CYLC2: variants seen among roughly 807,000 people sequenced by gnomAD.
CYLC2 encodes cylicin-2.
Under a neutral mutation model 26.1 loss-of-function variants are expected in CYLC2, and 30 were observed. The observed-to-expected ratio is 1.15, with a 90% confidence interval of 0.86 to 1.56. The LOEUF (loss-of-function observed/expected upper bound fraction) is 1.56. CYLC2 is among the 40% of genes most tolerant of loss of function. The pLI is 0.00. For missense variants in CYLC2, 498 were observed against 394.4 expected (o/e 1.26, Z -2.23); for synonymous variants, 158 against 132.8 (o/e 1.19, Z -1.31).
At chr9:103,010,810 G>GTA (rs1409003643) in intron 5 of CYLC2, 1 of 151,988 alleles carries the variant, frequency 6.6e-6, no homozygotes, top group African/African-American at 2.4e-5. Flanking sequence ...TGCTCAGTAA[G>GTA]TATTGCACAT....
At chr9:103,007,539 T>C (rs1473800404) in intron 5 of CYLC2, among the ~76,000 whole-genome samples, 1 of 152,258 alleles carries the variant, frequency 6.6e-6, no homozygotes, top group East Asian at 1.9e-4. Flanking sequence ...TAACTTACTG[T>C]CTCTAAAACA....
chr9:102,997,202 G>C (rs80042499), intron 1 of CYLC2, among the ~76,000 whole-genome samples: 1 of 151,824 alleles, frequency 6.6e-6, no homozygotes, highest in Admixed American at 6.6e-5. Context: ...GGATTAGTAG[G>C]TGCTGGGGGT....
At position 103,005,640 on chromosome 9, in the gene CYLC2, A is replaced by G; in HGVS notation, c.1009A>G (p.Lys337Glu). ...GAAGGATGCAAAGAAGAATGCAAAGAAGGATGAAAAGAAGGATGCAAAGAA... is the reference window on the plus strand; with the variant it reads ...GAAGGATGCAAAGAAGAATGCAAAGGAGGATGAAAAGAAGGATGCAAAGAA... Reference protein sequence around the residue: ...AKKDAKKNAKKDEKKDAKKKG... With the variant: ...AKKDAKKNAKEDEKKDAKKKG... The change falls in exon 5 of 8, where the codon AAG becomes GAG. Residue 337 changes from lysine (K) to glutamate (E), a missense_variant. Transcript: ENST00000374798. The G allele has an allele frequency of 6.2e-7, 1 of 1,612,566 alleles. No homozygotes were observed. Among genetic ancestry groups the G allele is most frequent in the Non-Finnish European group, 8.5e-7 (1 of 1,179,600 alleles).
chr9:103,014,364 A>G (rs1204260245), intron 6 of CYLC2, among the ~76,000 whole-genome samples: 2 of 137,430 alleles, frequency 1.5e-5, no homozygotes, highest in Non-Finnish European at 3.1e-5. Context: ...AATATTACAT[A>G]ATATACATTA....
At chr9:103,010,420 C>A (rs533230578) in intron 5 of CYLC2, among the ~76,000 whole-genome samples, 16 of 152,172 alleles carry the variant, frequency 1.1e-4, no homozygotes, top group African/African-American at 3.6e-4. Flanking sequence ...CTCGTATTAT[C>A]ACTTAATCCT....
intron 6 of CYLC2, among the ~76,000 whole-genome samples, chr9:103,015,407 T>C (rs1188337473): frequency 4.4e-5 from 6 of 135,368 alleles, no homozygotes; most frequent in Admixed American, 2.4e-4. Flanking sequence ...ATGCTTATTA[T>C]ATATTATATA....
rs951150529 is a variant in CYLC2 at position 103,018,466 on chromosome 9, A to T, written c.*1032A>T. 2 of 152,054 alleles carry T rather than the reference A, an allele frequency of 1.3e-5. No individual in the cohort carries two copies. Among genetic ancestry groups the T allele is most frequent in the South Asian group, 4.1e-4 (2 of 4,826 alleles). 9.4% of individuals were successfully genotyped at this position (152,054 alleles called of 1,614,324 possible). On this transcript the variant is annotated 3_prime_UTR_variant, in exon 8 of 8. Coordinates refer to ENST00000374798, the MANE Select transcript of CYLC2 (RefSeq NM_001340.5). Reference sequence around the variant, plus strand: ...CATTAAACACCTGGTGAAATTATCAATTAAAAACATCTAGTCACCATAGTT... The same window carrying T: ...CATTAAACACCTGGTGAAATTATCATTTAAAAACATCTAGTCACCATAGTT...
intron 5 of CYLC2, among the ~76,000 whole-genome samples, chr9:103,010,404 G>A (rs994001657): frequency 5.9e-5 from 9 of 152,010 alleles, no homozygotes; most frequent in Non-Finnish European, 1.2e-4. Flanking sequence ...TTTGCTAAAC[G>A]CTTTCCTCGT....
intron 2 of CYLC2, among the ~76,000 whole-genome samples, chr9:103,002,676 G>T (rs1261162141): frequency 2.0e-5 from 3 of 152,088 alleles, no homozygotes; most frequent in African/African-American, 7.2e-5. Context: ...AGCTTGGAAA[G>T]TTGTTACTAA....
In CYLC2 at chr9:103,003,234, C is replaced by T. The variant is rs1829305932; in HGVS notation, c.151C>T (p.Pro51Ser). Reference sequence around the variant, plus strand: ...GCCAGGAACCAAAAGGAGATCAAAACCTTCTCAAATACGGGACAACACGGT... The same window carrying T: ...GCCAGGAACCAAAAGGAGATCAAAATCTTCTCAAATACGGGACAACACGGT... Reference protein sequence around the residue: ...QRPGTKRRSKPSQIRDNTVSI... With the variant: ...QRPGTKRRSKSSQIRDNTVSI... The change falls in exon 3 of 8, where the codon CCT becomes TCT. Residue 51 changes from proline to serine, a missense_variant. Physicochemically the swap from Pro to Ser is moderately conservative, Grantham distance 74 (BLOSUM62 -1). Transcript: ENST00000374798. The T allele has an allele frequency of 6.2e-7, 1 of 1,613,580 alleles. No individual in the cohort carries two copies. Among genetic ancestry groups the T allele is most frequent in the Non-Finnish European group, 8.5e-7 (1 of 1,179,796 alleles).
At chr9:102,997,600 T>A (rs1302070897) in intron 1 of CYLC2, among the ~76,000 whole-genome samples, 1 of 151,970 alleles carries the variant, frequency 6.6e-6, no homozygotes. Context: ...TTCTTTTCCC[T>A]GCAGCTGATG....
At chr9:102,997,450 A>G (rs1272597568) in intron 1 of CYLC2, among the ~76,000 whole-genome samples, 2 of 151,972 alleles carry the variant, frequency 1.3e-5, no homozygotes, top group Non-Finnish European at 2.9e-5. Context: ...CTTACTACAC[A>G]CAGAGCCATT....
Position 103,005,425 on chromosome 9 carries a change from A to G in CYLC2, c.794A>G (p.Lys265Arg). 6.2e-7 allele frequency: 1 copy of G among 1,613,802 alleles called. No individual in the cohort carries two copies. The highest frequency in any genetic ancestry group is 8.5e-7 in the Non-Finnish European group (1 of 1,179,940). Residue 265 changes from lysine (K) to arginine (R), a missense_variant, in exon 5 of 8, where the codon AAG (lysine) becomes AGG (arginine). By Grantham distance (26) the Lys-to-Arg change is conservative. Coordinates refer to ENST00000374798, the MANE Select transcript of CYLC2 (RefSeq NM_001340.5). Reference protein sequence around the residue: ...DESKDAKKDAKEIKKGKKDKK... With the variant: ...DESKDAKKDAREIKKGKKDKK... ...TCGAAGGATGCCAAGAAAGATGCAA[A>G]GGAGATTAAAAAAGGTAAGAAAGAT...
At position 103,001,605 on chromosome 9, in the gene CYLC2, T is replaced by C. The variant is rs1425475189; in HGVS notation, c.45T>C (p.Asp15=). 1.3e-6 allele frequency: 2 copies of C among 1,560,726 alleles called. No homozygotes were observed. Among genetic ancestry groups the C allele is most frequent in the African/African-American group, 1.4e-5 (1 of 73,784 alleles). ...AAAGAGTAAACTTTGGGCCATATGA[T>C]AATTACATTCCAGGTAAGAAAGCAT... ...RFQRVNFGPY[D]NYIPVSELSK... The change falls in exon 2 of 8, where the codon GAT becomes GAC. Residue 15 remains aspartate (D), a synonymous_variant. Coordinates refer to ENST00000374798, the MANE Select transcript of CYLC2 (RefSeq NM_001340.5).
chr9:103,004,902 T>A, intron 4 of CYLC2, 51 bp downstream of exon 4: 1 of 1,575,578 alleles, frequency 6.3e-7, no homozygotes, highest in Non-Finnish European at 8.6e-7. Flanking sequence ...TCTGATTAGA[T>A]TTCTATTAGA....
At chr9:103,016,654 T>C (rs190393598) in intron 6 of CYLC2, among the ~76,000 whole-genome samples, 197 of 152,074 alleles carry the variant, frequency 1.3e-3, no homozygotes, top group Non-Finnish European at 2.0e-3. Context: ...AATCAATGTT[T>C]ATAAAAGGAG....
intron 6 of CYLC2, among the ~76,000 whole-genome samples, chr9:103,014,576 CAGTATACATCATATGTATATTAT>C (rs1422899120): frequency 1.4e-5 from 2 of 142,258 alleles, no homozygotes; most frequent in African/African-American, 5.1e-5. Context: ...GTATATTATG[CAGTATACATCATATGTATATTAT>C]GCAGTATACA....
In CYLC2 at chr9:102,995,369, T is replaced by G. The variant is rs1481399544; in HGVS notation, c.-12T>G. ...ACAATACTTAAGTCCTGGCAAGTCA[T>G]AAGTGGGGAAAATGTCTCTCCCAAG... On this transcript the variant is annotated 5_prime_UTR_variant, in exon 1 of 8. Transcript: ENST00000374798. 1.2e-6 allele frequency: 2 copies of G among 1,603,680 alleles called. No individual in the cohort carries two copies. Among genetic ancestry groups the G allele is most frequent in the Non-Finnish European group, 1.7e-6 (2 of 1,171,224 alleles).
intron 2 of CYLC2, among the ~76,000 whole-genome samples, chr9:103,002,779 A>C (rs1829301767): frequency 6.6e-6 from 1 of 152,156 alleles, no homozygotes; most frequent in African/African-American, 2.4e-5. Flanking sequence ...GGAGCTACAG[A>C]AGTAGTTATT....
Sources: gnomAD v4.1 joint callset for allele counts (sites outside exome capture counted in the v4.1 genomes callset) on GRCh38, gnomAD v4.1.1 for gene constraint, MANE v1.5 for transcripts, NCBI Gene and HGNC (gene_info 2026-07-23, HGNC 2026-07-21) for gene names.